The following PATJ variants were observed in gnomAD, a reference collection of about 807,000 sequenced individuals.
PATJ encodes PATJ crumbs cell polarity complex component, also known as inaD-like protein.
Under a neutral mutation model 224.9 loss-of-function variants are expected in PATJ, and 190 were observed. That is an observed-to-expected ratio of 0.84 (90% confidence interval 0.75 to 0.95). The LOEUF is 0.95. Ranked by LOEUF, PATJ falls within the 40% of genes least tolerant of loss-of-function variation. The pLI, the probability that PATJ is intolerant of heterozygous loss-of-function variation, is 0.00. For synonymous variants in PATJ, 769 were observed against 820.3 expected (o/e 0.94, Z 1.07); for missense variants, 2,121 against 2,270.3 (o/e 0.93, Z 1.34).
chr1:61,880,458 G>C (rs551551883), intron 21 of PATJ, among the ~76,000 whole-genome samples: 1 of 152,298 alleles, frequency 6.6e-6, no homozygotes, highest in East Asian at 1.9e-4. Flanking sequence ...TTAAGGTTTT[G>C]TGTCTTCTCA....
chr1:61,828,901 A>T (rs1658807253), intron 16 of PATJ, among the ~76,000 whole-genome samples: 1 of 152,144 alleles, frequency 6.6e-6, no homozygotes, highest in East Asian at 1.9e-4. Flanking sequence ...TGGGCAAATG[A>T]CTTTCTGTTC....
chr1:62,070,423 G>A (rs530148224), intron 31 of PATJ, among the ~76,000 whole-genome samples: 17 of 152,132 alleles, frequency 1.1e-4, no homozygotes, highest in African/African-American at 2.2e-4. Context: ...TTAAGTTCCC[G>A]AACTTTGATT....
chr1:61,987,958 A>G (rs1197668150), intron 27 of PATJ, among the ~76,000 whole-genome samples: 5 of 152,142 alleles, frequency 3.3e-5, no homozygotes. Context: ...CAGCACTATA[A>G]GAGGCCAAGG....
intron 31 of PATJ, among the ~76,000 whole-genome samples, chr1:62,074,701 T>A (rs137931696): frequency 0.01 from 1,573 of 152,304 alleles, 19 homozygotes; most frequent in Middle Eastern, 0.02. Context: ...CAGTGGCTCA[T>A]GCCTGTAATC....
At chr1:62,051,143 A>G in intron 31 of PATJ, 85 bp downstream of exon 31, 2 of 983,770 alleles carry the variant, frequency 2.0e-6, no homozygotes, top group Non-Finnish European at 3.1e-6. Context: ...AGAACCACCT[A>G]TCATGTTTGC....
At chr1:62,060,455 A>G (rs1655239500) in intron 31 of PATJ, among the ~76,000 whole-genome samples, 1 of 151,628 alleles carries the variant, frequency 6.6e-6, no homozygotes, top group South Asian at 2.1e-4. Flanking sequence ...GCAACCTCAA[A>G]CTCCAGGGCT....
At chr1:62,132,045 A>C (rs150862264) in intron 41 of PATJ, among the ~76,000 whole-genome samples, 5,050 of 151,980 alleles carry the variant, frequency 0.033, 145 homozygotes, top group South Asian at 0.15. Context: ...ATGGGATTTC[A>C]CCATGTTGGC....
intron 7 of PATJ, among the ~76,000 whole-genome samples, chr1:61,782,967 G>T (rs6694843): frequency 0.98 from 149,706 of 152,278 alleles, 73,629 homozygotes; most frequent in East Asian, 1. Context: ...TGTCATAAAT[G>T]ATTGACATTT....
chr1:61,959,339 A>G (rs1437522592), intron 27 of PATJ, among the ~76,000 whole-genome samples: 4 of 150,700 alleles, frequency 2.7e-5, no homozygotes, highest in Non-Finnish European at 5.9e-5. Flanking sequence ...AATTAAATAG[A>G]TAAATTTTTG....
intron 41 of PATJ, among the ~76,000 whole-genome samples, chr1:62,132,292 A>G (rs1216035816): frequency 6.6e-6 from 1 of 152,206 alleles, no homozygotes; most frequent in Admixed American, 6.5e-5. Flanking sequence ...ATTTAAGAAT[A>G]TGGAAGCACA....
At chr1:61,828,155 A>G (rs1051146407) in intron 16 of PATJ, among the ~76,000 whole-genome samples, 1 of 151,822 alleles carries the variant, frequency 6.6e-6, no homozygotes, top group African/African-American at 2.4e-5. Context: ...AGGCAGGAAA[A>G]TCACTTGAAG....
intron 27 of PATJ, among the ~76,000 whole-genome samples, chr1:61,959,821 G>A (rs1376254398): frequency 2.6e-5 from 4 of 152,018 alleles, no homozygotes; most frequent in African/African-American, 4.8e-5. Flanking sequence ...GAAAGAATAA[G>A]TGCTAGCCTG....
At chr1:61,747,256 T>A (rs1645068955) in intron 1 of PATJ, among the ~76,000 whole-genome samples, 1 of 152,152 alleles carries the variant, frequency 6.6e-6, no homozygotes, top group African/African-American at 2.4e-5. Flanking sequence ...TAGGTTCCGG[T>A]GCAAATGGGG....
intron 41 of PATJ, among the ~76,000 whole-genome samples, chr1:62,140,055 C>T (rs1434522583): frequency 6.6e-6 from 1 of 152,120 alleles, no homozygotes; most frequent in Non-Finnish European, 1.5e-5. Context: ...CCACCTTGCC[C>T]AGCCTAAAGT....
chr1:61,766,726 T>G (rs1377544592), intron 4 of PATJ, among the ~76,000 whole-genome samples: 1 of 152,174 alleles, frequency 6.6e-6, no homozygotes, highest in Non-Finnish European at 1.5e-5. Flanking sequence ...TTAACATTTA[T>G]TTTTTGAGAT....
intron 10 of PATJ, among the ~76,000 whole-genome samples, chr1:61,795,845 C>A (rs115370426): frequency 0.012 from 1,844 of 152,106 alleles, 17 homozygotes; most frequent in Non-Finnish European, 0.019. Flanking sequence ...GAAAACCCTG[C>A]GAGGACCACA....
intron 27 of PATJ, among the ~76,000 whole-genome samples, chr1:61,952,856 T>G: frequency 6.6e-6 from 1 of 152,238 alleles, no homozygotes; most frequent in East Asian, 1.9e-4. Context: ...TTATTCTGGT[T>G]AATTTTAAAA....
chr1:62,117,044 T>C (rs1664515357), intron 36 of PATJ, 88 bp from the exon 37 acceptor site: 3 of 1,081,696 alleles, frequency 2.8e-6, no homozygotes, highest in Admixed American at 1.9e-5. Context: ...CTTTTATAAT[T>C]TGTGGCTGCA....
intron 31 of PATJ, among the ~76,000 whole-genome samples, chr1:62,069,813 G>C (rs547851760): frequency 6.6e-6 from 1 of 152,292 alleles, no homozygotes; most frequent in South Asian, 2.1e-4. Flanking sequence ...CTGGCATGTA[G>C]TAGGTGCTCA....
Sources: gnomAD v4.1 joint callset for allele counts (sites outside exome capture counted in the v4.1 genomes callset) on GRCh38, gnomAD v4.1.1 for gene constraint, MANE v1.5 for transcripts, NCBI Gene and HGNC (gene_info 2026-07-23, HGNC 2026-07-21) for gene names.